SLC35E1: variants seen among roughly 807,000 people sequenced by gnomAD.
The protein encoded by SLC35E1 is solute carrier family 35, member E1.
Under a neutral mutation model 31.0 loss-of-function variants are expected in SLC35E1, and 12 were observed. The ratio of observed to expected loss-of-function variants is 0.39; its 90% CI spans 0.25 to 0.63. SLC35E1 has a LOEUF of 0.63. SLC35E1 is among the 20% of genes least tolerant of loss of function. The probability of loss-of-function intolerance (pLI) is 0.52; values close to 1 mark genes in which losing one functional copy is unlikely to be tolerated. For missense variants in SLC35E1, 429 were observed against 572.2 expected, an observed-to-expected ratio of 0.75 and a Z score of 2.55; for synonymous variants, 257 against 264.1, an observed-to-expected ratio of 0.97 and a Z score of 0.26.
chr19:16,568,561 C>T (rs143344389), intron 2 of SLC35E1, among the ~76,000 whole-genome samples: 1 of 152,278 alleles, frequency 6.6e-6, no homozygotes, highest in Non-Finnish European at 1.5e-5. Context: ...GACAAAGTCT[C>T]GCTCTGTCGC....
In SLC35E1 at chr19:16,550,026, C is replaced by A. The variant is rs1040085864; in HGVS notation, c.*3653G>T. On this transcript the variant is annotated 3_prime_UTR_variant, in exon 6 of 6. Coordinates refer to ENST00000595753, the MANE Select transcript of SLC35E1 (RefSeq NM_024881.5). ...CTGTGAGACCCTAAGGTATTGGGGT[C>A]TGGTAATGTCCCAGCTATAGCAAAG... The A allele has an allele frequency of 6.6e-6, 1 of 152,142 alleles. No homozygotes were observed. Among genetic ancestry groups the A allele is most frequent in the African/African-American group, 2.4e-5 (1 of 41,410 alleles). The allele number at this position is 152,142 out of a possible 1,614,324, so 9.4% of individuals were successfully genotyped here.
intron 4 of SLC35E1, among the ~76,000 whole-genome samples, chr19:16,556,034 G>A (rs1389191209): frequency 6.6e-6 from 1 of 151,964 alleles, no homozygotes; most frequent in African/African-American, 2.4e-5. Context: ...TGACCAACAT[G>A]GTAAAACTGT....
chr19:16,571,656 G>T (rs2085959276), intron 1 of SLC35E1, 74 bp from the exon 2 acceptor site: 2 of 1,519,696 alleles, frequency 1.3e-6, no homozygotes, highest in African/African-American at 1.4e-5. Context: ...TCCACGGCGG[G>T]ATGGGAGGGC....
intron 2 of SLC35E1, 35 bp from the exon 3 acceptor site, chr19:16,568,204 C>T (rs751891442): frequency 1.3e-6 from 2 of 1,584,286 alleles, no homozygotes; most frequent in South Asian, 1.1e-5. Flanking sequence ...GGCTCACAGG[C>T]CAGACTAGAG....
rs200224045 is a variant in SLC35E1, at chr19:16,567,565, CT to C, written c.630+466del. On this transcript the variant is annotated intron_variant, in intron 3 of 5. Transcript: ENST00000595753. The stretch of plus-strand genomic sequence containing the variant: ...GCACATTAACTTTATAATAGAAAAA[CT>C]TTTTTTTGTTTTTGAGATGGAGACT... Among the ~76,000 whole-genome samples the C allele has an allele frequency of 8.8e-3, 1,340 of 151,968 alleles. 11 individuals are homozygous for C. Among genetic ancestry groups the C allele is most frequent in the Non-Finnish European group, 0.012 (788 of 67,944 alleles).
chr19:16,550,199 G>GTC lies in SLC35E1; in HGVS notation c.*3479_*3480insGA, dbSNP rs1210762851. On this transcript the variant is annotated 3_prime_UTR_variant, in exon 6 of 6. Transcript: ENST00000595753. ...AAATAAGGTGGTTAAAAATTCTGCA[G>GTC]TGAGTCTCGCCATGGTGAACAAACA... The GTC allele has an allele frequency of 1.3e-5, 2 of 152,228 alleles. No individual in the cohort carries two copies. The highest frequency in any genetic ancestry group is 2.9e-5 in the Non-Finnish European group (2 of 68,050). The allele number at this position is 152,228 out of a possible 1,614,324, so 9.4% of individuals were successfully genotyped here.
chr19:16,567,936 A>G (rs2085939986), intron 3 of SLC35E1, 96 bp downstream of exon 3: 1 of 1,434,936 alleles, frequency 7.0e-7, no homozygotes, highest in South Asian at 1.5e-5. Flanking sequence ...TCTAATAGCA[A>G]AGAAATTTCT....
chr19:16,562,000 CA>C (rs2085908845), intron 4 of SLC35E1, among the ~76,000 whole-genome samples: 1 of 151,612 alleles, frequency 6.6e-6, no homozygotes, highest in South Asian at 2.1e-4. Context: ...CCAACCTAGG[CA>C]ACAGTGGGAG....
Position 16,555,166 on chromosome 19 carries a change from A to G in SLC35E1, c.988T>C (p.Phe330Leu). ...LGMMTAILGV[F>L]LYNKTKYDAN... ...CAGACTCTCACCTTGTTATAGAGGA[A>G]GACCCCCAGGATGGCGGTCATCATG... Residue 330 changes from phenylalanine (F) to leucine (L), a missense_variant, in exon 5 of 6, where the codon TTC becomes CTC. Transcript: ENST00000595753. This position sits in a 1 kb window ranked among gnomAD's most constrained non-coding sequence, Gnocchi z 4.1. The G allele has an allele frequency of 6.2e-7, 1 of 1,614,138 alleles. No homozygotes were observed. The highest frequency in any genetic ancestry group is 1.1e-5 in the South Asian group (1 of 91,080).
At position 16,555,489 on chromosome 19, in the gene SLC35E1, T is replaced by C. The variant is rs977452974; in HGVS notation, c.757-92A>G. On this transcript the variant is annotated intron_variant, in intron 4 of 5. Transcript: ENST00000595753. This position sits in a 1 kb window ranked among gnomAD's most constrained non-coding sequence, Gnocchi z 4.1. ...CCTGGCAGGGTTAGGGGAAGGGATG[T>C]GGAGGGGCTCATCTGGAGCCTCATG... is the stretch of plus-strand genomic sequence containing the variant. The C allele has an allele frequency of 1.5e-5, 23 of 1,518,562 alleles. No homozygotes were observed. The highest frequency in any genetic ancestry group is 2.0e-5 in the Non-Finnish European group (23 of 1,131,692). 94.1% of individuals were successfully genotyped at this position (1,518,562 alleles called of 1,614,324 possible).
chr19:16,555,752 T>C lies in SLC35E1; in HGVS notation c.757-355A>G. On this transcript the variant is annotated intron_variant, in intron 4 of 5. Transcript: ENST00000595753. This position sits in a 1 kb window ranked among gnomAD's most constrained non-coding sequence, Gnocchi z 4.1. ...GCAGGGATCTGCTTGTTGGACGCAA[T>C]GCATTCTACAGGGTTGGAGGTCCTG... 1 of 296,182 alleles carries C rather than the reference T, an allele frequency of 3.4e-6. No homozygotes were observed. The highest frequency in any genetic ancestry group is 4.8e-5 in the Admixed American group (1 of 21,020). 18.3% of individuals were successfully genotyped at this position (296,182 alleles called of 1,614,324 possible). A position where few individuals can be genotyped will look rare whatever the true frequency, so the allele number is the denominator to read the frequency against.
intron 1 of SLC35E1, 26 bp downstream of exon 1, chr19:16,571,917 GC>G (rs1568276068): frequency 2.0e-6 from 3 of 1,526,158 alleles, no homozygotes; most frequent in Non-Finnish European, 2.6e-6. Flanking sequence ...CCCGGCCGCC[GC>G]CCCCGAGGCC....
chr19:16,559,957 A>G (rs2085896357), intron 4 of SLC35E1, among the ~76,000 whole-genome samples: 1 of 152,166 alleles, frequency 6.6e-6, no homozygotes, highest in African/African-American at 2.4e-5. Context: ...TTGTTTTAGC[A>G]GGCAATTGAT....
Position 16,555,400 on chromosome 19 carries a change from G to A in SLC35E1, c.757-3C>T. 1.2e-6 allele frequency: 2 copies of A among 1,613,124 alleles called. No homozygotes were observed. Among genetic ancestry groups the A allele is most frequent in the Non-Finnish European group, 1.7e-6 (2 of 1,179,886 alleles). On this transcript the variant is annotated splice_region_variant and splice_polypyrimidine_tract_variant and intron_variant, in intron 4 of 5. Transcript: ENST00000595753. The surrounding 1 kb of genome is among the most constrained non-coding windows in gnomAD (Gnocchi z 4.1). ...CAGGGCCACTGGTAGACGTAGGTCT[G>A]CAGAGACCGGAAGGTAAAGACAGCA...
chr19:16,570,636 T>C (rs1463377929), intron 2 of SLC35E1, among the ~76,000 whole-genome samples: 1 of 152,194 alleles, frequency 6.6e-6, no homozygotes, highest in Non-Finnish European at 1.5e-5. Flanking sequence ...GCATCCTCCT[T>C]ATGCAGCCCT....
At chr19:16,569,774 G>A (rs900354307) in intron 2 of SLC35E1, among the ~76,000 whole-genome samples, 5 of 152,206 alleles carry the variant, frequency 3.3e-5, no homozygotes, top group Non-Finnish European at 7.3e-5. Context: ...AACCCAGGAG[G>A]CGGAGCTTGC....
Position 16,555,415 on chromosome 19 carries a change from T to TAC in SLC35E1, c.757-19_757-18insGT, listed in dbSNP as rs766333439. On this transcript the variant is annotated intron_variant, in intron 4 of 5. Transcript: ENST00000595753. This position sits in a 1 kb window ranked among gnomAD's most constrained non-coding sequence, Gnocchi z 4.1. ...ACGTAGGTCTGCAGAGACCGGAAGG[T>TAC]AAAGACAGCACTTCAGTGGGCAGCG... The TAC allele has an allele frequency of 6.2e-7, 1 of 1,611,114 alleles. No homozygotes were observed. Among genetic ancestry groups the TAC allele is most frequent in the Non-Finnish European group, 8.5e-7 (1 of 1,179,036 alleles).
chr19:16,571,904 G>T, intron 1 of SLC35E1, 40 bp downstream of exon 1: 1 of 1,522,812 alleles, frequency 6.6e-7, no homozygotes, highest in South Asian at 1.2e-5. Flanking sequence ...CCGAAGCGGC[G>T]GGCCCGGCCG....
intron 4 of SLC35E1, among the ~76,000 whole-genome samples, chr19:16,560,960 G>A (rs539409195): frequency 4.0e-5 from 6 of 148,778 alleles, no homozygotes; most frequent in East Asian, 2.0e-4. Flanking sequence ...CTATCTCTTT[G>A]GGAGGTCGAG....
Sources: allele counts gnomAD v4.1 joint callset (sites outside exome capture counted in the v4.1 genomes callset), GRCh38; gene constraint gnomAD v4.1.1; non-coding constraint Gnocchi (gnomAD v3.1); transcripts MANE v1.5; gene names NCBI Gene and HGNC (gene_info 2026-07-23, HGNC 2026-07-21).